The following SLC24A3 variants were observed in gnomAD, a reference collection of about 807,000 sequenced individuals.
The protein encoded by SLC24A3 is sodium/potassium/calcium exchanger 3.
Under a neutral mutation model 75.8 loss-of-function variants are expected in SLC24A3, and 28 were observed. The observed-to-expected ratio is 0.37, with a 90% CI of 0.27 to 0.51. SLC24A3 has a LOEUF of 0.51. SLC24A3 is among the 20% of genes least tolerant of loss of function. The probability of loss-of-function intolerance (pLI) is 0.94; values close to 1 mark genes in which losing one functional copy is unlikely to be tolerated. For missense variants in SLC24A3, 663 were observed against 847.8 expected, an observed-to-expected ratio of 0.78 and a Z score of 2.71; for synonymous variants, 372 against 334.1, an observed-to-expected ratio of 1.11 and a Z score of -1.24.
At chr20:19,469,243 C>T (rs1987822722) in intron 2 of SLC24A3, among the ~76,000 whole-genome samples, 1 of 151,792 alleles carries the variant, frequency 6.6e-6, no homozygotes, top group African/African-American at 2.4e-5. Flanking sequence ...GGAAGGGTGG[C>T]GTAGGAACTG....
At chr20:19,341,385 G>T (rs1298760357) in intron 2 of SLC24A3, among the ~76,000 whole-genome samples, 1 of 152,178 alleles carries the variant, frequency 6.6e-6, no homozygotes, top group East Asian at 1.9e-4. Context: ...AAAAGGCCCA[G>T]AGGTCATCTG....
intron 7 of SLC24A3, among the ~76,000 whole-genome samples, chr20:19,665,294 A>G (rs2032384870): frequency 6.6e-6 from 1 of 152,192 alleles, no homozygotes; most frequent in Non-Finnish European, 1.5e-5. Flanking sequence ...TTTCGGGGTG[A>G]TGGCAAGGAG....
At chr20:19,666,678 T>C (rs761853386) in intron 8 of SLC24A3, among the ~76,000 whole-genome samples, 1 of 151,932 alleles carries the variant, frequency 6.6e-6, no homozygotes, top group African/African-American at 2.4e-5. Flanking sequence ...ATGTTTTATT[T>C]TGATAGAAAC....
chr20:19,662,658 A>G (rs2032341745), intron 7 of SLC24A3, among the ~76,000 whole-genome samples: 1 of 152,220 alleles, frequency 6.6e-6, no homozygotes, highest in Non-Finnish European at 1.5e-5. Flanking sequence ...TTTCTTCTAC[A>G]CTAGTAATAC....
At position 19,332,015 on chromosome 20, in the gene SLC24A3, C is replaced by T. The variant is rs188561235; in HGVS notation, c.271+50928C>T. Among the ~76,000 whole-genome samples the T allele has an allele frequency of 7.0e-4, 107 of 152,142 alleles. 3 individuals are homozygous for T. The highest frequency in any genetic ancestry group is 5.8e-3 in the South Asian group (28 of 4,816). On this transcript the variant is annotated intron_variant, in intron 2 of 16. Coordinates refer to ENST00000328041, the MANE Select transcript of SLC24A3 (RefSeq NM_020689.4). Reference sequence around the variant, plus strand: ...CAAAGGCACCCAAGCCGGAGGGAGACGGAGGTGCTTGAGGAACACAGAAGG... The same window carrying T: ...CAAAGGCACCCAAGCCGGAGGGAGATGGAGGTGCTTGAGGAACACAGAAGG...
intron 6 of SLC24A3, among the ~76,000 whole-genome samples, chr20:19,588,902 G>T (rs2031335558): frequency 6.6e-6 from 1 of 152,192 alleles, no homozygotes. Context: ...TTACAGGCCG[G>T]CAGATGGCTC....
chr20:19,530,257 C>A (rs2030272633), intron 3 of SLC24A3, among the ~76,000 whole-genome samples: 1 of 152,144 alleles, frequency 6.6e-6, no homozygotes, highest in Admixed American at 6.5e-5. Flanking sequence ...CTATTGTGAT[C>A]CTTCTAATAA....
intron 2 of SLC24A3, among the ~76,000 whole-genome samples, chr20:19,467,758 G>A (rs1424804148): frequency 6.6e-6 from 1 of 151,998 alleles, no homozygotes; most frequent in Non-Finnish European, 1.5e-5. Context: ...GTGCACGCCT[G>A]TAATCCCAGC....
chr20:19,416,216 C>A (rs1319016961), intron 2 of SLC24A3, among the ~76,000 whole-genome samples: 2 of 152,158 alleles, frequency 1.3e-5, no homozygotes, highest in Non-Finnish European at 2.9e-5. Context: ...ATGGGGAAAC[C>A]AAGGCACAAA....
intron 3 of SLC24A3, among the ~76,000 whole-genome samples, chr20:19,545,259 G>A (rs1178029561): frequency 2.0e-5 from 3 of 152,156 alleles, no homozygotes; most frequent in East Asian, 3.9e-4. Context: ...ATATGAGTTC[G>A]TGAGCAGTCC....
chr20:19,389,947 G>A (rs1048772860), intron 2 of SLC24A3, among the ~76,000 whole-genome samples: 1 of 152,054 alleles, frequency 6.6e-6, no homozygotes. Context: ...TTCTGACTGG[G>A]TAATCTCAAA....
intron 12 of SLC24A3, among the ~76,000 whole-genome samples, chr20:19,689,376 C>G (rs1226326881): frequency 6.6e-6 from 1 of 152,180 alleles, no homozygotes; most frequent in Non-Finnish European, 1.5e-5. Context: ...TTGTTAAAGC[C>G]AAGTCCAACT....
chr20:19,666,075 C>T (rs926269968), intron 8 of SLC24A3, among the ~76,000 whole-genome samples, 186 bp downstream of exon 8: 1 of 152,110 alleles, frequency 6.6e-6, no homozygotes, highest in Non-Finnish European at 1.5e-5. Flanking sequence ...AGAGTCAAGA[C>T]CTTTCCTCTT....
chr20:19,458,781 T>C (rs953931936), intron 2 of SLC24A3, among the ~76,000 whole-genome samples: 2 of 152,354 alleles, frequency 1.3e-5, no homozygotes, highest in Admixed American at 6.5e-5. Context: ...AGCAGTCTCT[T>C]TTTTGTTGTT....
chr20:19,325,791 TATATAGAGAG>T (rs1177429042), intron 2 of SLC24A3, among the ~76,000 whole-genome samples: 61 of 89,420 alleles, frequency 6.8e-4, no homozygotes, highest in South Asian at 4.0e-3. Context: ...TATATATATA[TATATAGAGAG>T]AGAGAGAGAG....
chr20:19,572,582 C>G (rs1467973908), intron 3 of SLC24A3, among the ~76,000 whole-genome samples: 1 of 152,152 alleles, frequency 6.6e-6, no homozygotes, highest in Non-Finnish European at 1.5e-5. Context: ...GAAATTGAGG[C>G]ATTCGCTGGT....
chr20:19,548,974 G>T (rs1544076), intron 3 of SLC24A3, among the ~76,000 whole-genome samples: 133,419 of 152,244 alleles, frequency 0.88, 58,589 homozygotes, highest in Middle Eastern at 0.91. Flanking sequence ...TTTCCATAGA[G>T]CCAACCAAGG....
intron 2 of SLC24A3, among the ~76,000 whole-genome samples, chr20:19,396,128 C>T (rs1049165958): frequency 6.7e-6 from 1 of 148,422 alleles, no homozygotes; most frequent in Non-Finnish European, 1.5e-5. Flanking sequence ...CCAATATCCT[C>T]GTTACCAGAT....
At chr20:19,617,845 G>A (rs1320714420) in intron 6 of SLC24A3, among the ~76,000 whole-genome samples, 2 of 152,192 alleles carry the variant, frequency 1.3e-5, no homozygotes, top group Admixed American at 6.5e-5. Flanking sequence ...CGGTTCAGAC[G>A]AGGCGGCATG....
Sources: gnomAD v4.1 joint callset for allele counts (sites outside exome capture counted in the v4.1 genomes callset) on GRCh38, gnomAD v4.1.1 for gene constraint, MANE v1.5 for transcripts, NCBI Gene and HGNC (gene_info 2026-07-23, HGNC 2026-07-21) for gene names.